ME2: variants seen among roughly 807,000 people sequenced by gnomAD.
The protein encoded by ME2 is malic enzyme 2.
Under a neutral mutation model 73.7 loss-of-function variants are expected in ME2, and 60 were observed. That is an observed-to-expected ratio of 0.81 (90% CI 0.66 to 1.01). ME2 has a LOEUF of 1.01. Among genes scored for constraint, ME2 ranks in the 50% least tolerant of loss-of-function variants. The pLI, the probability that ME2 is intolerant of heterozygous loss-of-function variation, is 0.00. For missense variants in ME2, 594 were observed against 705.5 expected (o/e 0.84, Z 1.79); for synonymous variants, 199 against 236.9 (o/e 0.84, Z 1.47).
intron 7 of ME2, among the ~76,000 whole-genome samples, chr18:50,918,566 T>C (rs1300982444): frequency 1.3e-5 from 2 of 152,208 alleles, no homozygotes; most frequent in Non-Finnish European, 2.9e-5. Context: ...TTAAGTTCTC[T>C]GACCATTGGG....
chr18:50,908,023 G>T lies in ME2; in HGVS notation c.109-40G>T, dbSNP rs1321491224. ...GAAGAACAATGTCATTGCTACCCCAGTAAGTAATAATTTTTAATCCTTTTA... is the reference window on the plus strand; with the variant it reads ...GAAGAACAATGTCATTGCTACCCCATTAAGTAATAATTTTTAATCCTTTTA... On this transcript the variant is annotated intron_variant, in intron 2 of 15. Transcript: ENST00000321341. The T allele has an allele frequency of 2.2e-6, 3 of 1,373,710 alleles. No homozygotes were observed. In the African/African-American group the frequency reaches 4.4e-5, roughly 20 times the overall value. 85.1% of individuals were successfully genotyped at this position (1,373,710 alleles called of 1,614,324 possible). A position where few individuals can be genotyped will look rare whatever the true frequency, so the allele number is the denominator to read the frequency against.
intron 2 of ME2, among the ~76,000 whole-genome samples, chr18:50,897,182 G>A (rs996557044): frequency 3.3e-5 from 5 of 152,154 alleles, no homozygotes; most frequent in African/African-American, 1.2e-4. Flanking sequence ...ATTTTCCTGA[G>A]TTTATATCTT....
At chr18:50,879,767 C>T (rs1402577080) in intron 1 of ME2, among the ~76,000 whole-genome samples, 1 of 152,214 alleles carries the variant, frequency 6.6e-6, no homozygotes, top group Admixed American at 6.5e-5. Context: ...TGTGTGGCTC[C>T]TCCCTTTAAA....
intron 5 of ME2, 70 bp downstream of exon 5, chr18:50,916,313 G>C: frequency 8.1e-7 from 1 of 1,227,508 alleles, no homozygotes; most frequent in South Asian, 1.3e-5. Flanking sequence ...AAATCTCCAA[G>C]AACAGTTTTT....
rs750290495 is a variant in ME2, at chr18:50,917,458, C to T, written c.580C>T (p.Arg194Trp). 1.1e-5 allele frequency: 18 copies of T among 1,612,878 alleles called. No homozygotes were observed. Among genetic ancestry groups the T allele is most frequent in the East Asian group, 4.5e-5 (2 of 44,856 alleles). ...TTTGTATACAGCTTGTGCAGGAATACGGCCTGATAGATGCCTGCCAGTGTG... is the reference window on the plus strand; with the variant it reads ...TTTGTATACAGCTTGTGCAGGAATATGGCCTGATAGATGCCTGCCAGTGTG... ...LCLYTACAGIRPDRCLPVCID... is the reference protein window; with the variant it reads ...LCLYTACAGIWPDRCLPVCID... The change falls in exon 6 of 16, where the codon CGG (arginine) becomes TGG (tryptophan). Residue 194 changes from arginine to tryptophan, a missense_variant. Transcript: ENST00000321341.
intron 13 of ME2, chr18:50,939,301 T>G: frequency 3.3e-6 from 1 of 303,934 alleles, no homozygotes; most frequent in Non-Finnish European, 6.2e-6. Flanking sequence ...AAAACAAGCG[T>G]TGATGAATTG....
chr18:50,893,907 G>T (rs935904824), intron 1 of ME2, among the ~76,000 whole-genome samples: 1 of 152,100 alleles, frequency 6.6e-6, no homozygotes, highest in Non-Finnish European at 1.5e-5. Flanking sequence ...CCACTTTTTT[G>T]ACAAAGAACA....
intron 1 of ME2, among the ~76,000 whole-genome samples, chr18:50,885,378 C>T (rs1916436381): frequency 6.6e-6 from 1 of 152,044 alleles, no homozygotes; most frequent in Non-Finnish European, 1.5e-5. Context: ...ATTAGCCGGG[C>T]ACAGTGGCTT....
intron 2 of ME2, among the ~76,000 whole-genome samples, chr18:50,901,203 C>T (rs561603241): frequency 6.6e-6 from 1 of 152,140 alleles, no homozygotes; most frequent in African/African-American, 2.4e-5. Context: ...AGCGCCTATC[C>T]GTATTGAGGT....
Position 50,892,072 on chromosome 18 carries a change from C to T in ME2, c.-12-3737C>T, listed in dbSNP as rs568884179. Among the ~76,000 whole-genome samples the T allele has an allele frequency of 1.1e-4, 16 of 151,942 alleles. No homozygotes were observed. In the East Asian group the frequency reaches 1.4e-3, roughly 13 times the overall value. Reference sequence around the variant, plus strand: ...CTGAACTCAAACAATCTGCCTGCCTCGGCCTCCCAAAGTGCTGGGATTACA... The same window carrying T: ...CTGAACTCAAACAATCTGCCTGCCTTGGCCTCCCAAAGTGCTGGGATTACA... On this transcript the variant is annotated intron_variant, in intron 1 of 15. Coordinates refer to ENST00000321341, the MANE Select transcript of ME2 (RefSeq NM_002396.5).
At chr18:50,942,722 A>G (rs1183098942) in intron 15 of ME2, 1 of 297,762 alleles carries the variant, frequency 3.4e-6, no homozygotes, top group East Asian at 4.7e-5. Flanking sequence ...GATCATTTCT[A>G]ATATATAGGA....
At chr18:50,913,856 AT>A (rs1917219400) in intron 4 of ME2, among the ~76,000 whole-genome samples, 1 of 35,964 alleles carries the variant, frequency 2.8e-5, no homozygotes, top group South Asian at 1.4e-3. Context: ...TATCAGCAAT[AT>A]TATACACACA....
rs747371912 is a variant in ME2, at chr18:50,947,169, T to A, written c.1740T>A (p.Pro580=). ...GGCCAGAATCTGCATCAAGCCCTCCTGTGATAACAGAATAGAAGCACTCCC... is the reference window on the plus strand; with the variant it reads ...GGCCAGAATCTGCATCAAGCCCTCCAGTGATAACAGAATAGAAGCACTCCC... ...YEWPESASSP[P]VITE The change falls in exon 16 of 16, where the codon CCT becomes CCA. Residue 580 remains proline (P), a synonymous_variant. Coordinates refer to ENST00000321341, the MANE Select transcript of ME2 (RefSeq NM_002396.5). 6.2e-7 allele frequency: 1 copy of A among 1,613,136 alleles called. No homozygotes were observed. The highest frequency in any genetic ancestry group is 8.5e-7 in the Non-Finnish European group (1 of 1,179,966).
At chr18:50,914,535 T>G (rs1419301203) in intron 4 of ME2, among the ~76,000 whole-genome samples, 2 of 151,948 alleles carry the variant, frequency 1.3e-5, no homozygotes, top group Admixed American at 6.6e-5. Context: ...GTGCTATGGG[T>G]TTTTTTTGTT....
chr18:50,912,725 G>C (rs1917186066), intron 3 of ME2, 76 bp from the exon 4 acceptor site: 2 of 1,199,580 alleles, frequency 1.7e-6, no homozygotes, highest in Admixed American at 2.9e-5. Context: ...TAGACATTTA[G>C]GTTTAACTTT....
At chr18:50,918,744 C>G (rs1368338121) in intron 7 of ME2, among the ~76,000 whole-genome samples, 2 of 146,218 alleles carry the variant, frequency 1.4e-5, no homozygotes, top group African/African-American at 5.1e-5. Flanking sequence ...CTTGCTGTCT[C>G]TTACTAAATG....
At chr18:50,908,321 C>T in intron 3 of ME2, 125 bp downstream of exon 3, 1 of 612,976 alleles carries the variant, frequency 1.6e-6, no homozygotes, top group Non-Finnish European at 2.7e-6. Context: ...CAGTTAACTA[C>T]TTTTATAAAG....
At chr18:50,918,298 A>C in intron 7 of ME2, 85 bp downstream of exon 7, 1 of 804,866 alleles carries the variant, frequency 1.2e-6, no homozygotes, top group Non-Finnish European at 2.0e-6. Context: ...GTTTTCCTTT[A>C]TTTCTTTCCT....
chr18:50,913,860 TACACACACAC>T (rs1555677139), intron 4 of ME2, among the ~76,000 whole-genome samples: 10 of 143,178 alleles, frequency 7.0e-5, no homozygotes, highest in African/African-American at 2.4e-4. Flanking sequence ...AGCAATATTA[TACACACACAC>T]ACACACACAC....
Sources: gnomAD v4.1 joint callset for allele counts (sites outside exome capture counted in the v4.1 genomes callset) on GRCh38, gnomAD v4.1.1 for gene constraint, MANE v1.5 for transcripts, NCBI Gene and HGNC (gene_info 2026-07-23, HGNC 2026-07-21) for gene names.